Variants in HPCAL1 observed in about 807,000 individuals in gnomAD.
HPCAL1 encodes the protein hippocalcin-like protein 1.
HPCAL1 carries 8 observed loss-of-function variants against 17.1 expected under a neutral mutation model. That is an observed-to-expected ratio of 0.47 (90% CI 0.27 to 0.84). The LOEUF is 0.84. Ranked by LOEUF, HPCAL1 falls within the 40% of genes least tolerant of loss-of-function variation. The pLI is 0.13. For missense variants in HPCAL1, 165 were observed against 271.1 expected (o/e 0.61, Z 2.75); for synonymous variants, 112 against 111.4 (o/e 1.01, Z -0.03).
chr2:10,416,882 G>C (rs1670707334), intron 2 of HPCAL1, among the ~76,000 whole-genome samples: 1 of 152,090 alleles, frequency 6.6e-6, no homozygotes, highest in Admixed American at 6.5e-5. Context: ...GAGGCAGGGG[G>C]TGCAGGGGTC....
At chr2:10,426,494 G>A (rs1671415505) in intron 4 of HPCAL1, 1 of 529,814 alleles carries the variant, frequency 1.9e-6, no homozygotes, top group African/African-American at 1.9e-5. Context: ...TGAGCTTGCT[G>A]GGTAAGCCCT....
At position 10,359,751 on chromosome 2, in the gene HPCAL1, G is replaced by A. The variant is rs960644568; in HGVS notation, c.-110-37084G>A. Among the ~76,000 whole-genome samples, 1 of 152,202 alleles carries A rather than the reference G, an allele frequency of 6.6e-6. No individual in the cohort carries two copies. Among genetic ancestry groups the A allele is most frequent in the African/African-American group, 2.4e-5 (1 of 41,452 alleles). ...CCAGCACCTCTCCACTCTGAGGAAG[G>A]GGCCTTACCCAGATCCCCGTGTCCC... On this transcript the variant is annotated intron_variant, in intron 1 of 4. Coordinates refer to ENST00000307845, the MANE Select transcript of HPCAL1 (RefSeq NM_002149.4). This position sits in a 1 kb window ranked among gnomAD's most constrained non-coding sequence, Gnocchi z 4.1.
intron 2 of HPCAL1, among the ~76,000 whole-genome samples, chr2:10,418,233 A>T (rs970767126): frequency 4.0e-5 from 6 of 151,856 alleles, no homozygotes; most frequent in Non-Finnish European, 8.8e-5. Context: ...CCTGGCCAAC[A>T]TAGTGTGAAA....
intron 1 of HPCAL1, among the ~76,000 whole-genome samples, chr2:10,326,695 G>A (rs570296403): frequency 5.3e-5 from 8 of 152,302 alleles, no homozygotes; most frequent in African/African-American, 1.2e-4. Flanking sequence ...TCTGTCCAGC[G>A]CCCCTGGTCC....
chr2:10,352,141 G>A (rs575186195), intron 1 of HPCAL1, among the ~76,000 whole-genome samples: 5 of 152,194 alleles, frequency 3.3e-5, no homozygotes, highest in African/African-American at 1.2e-4. Flanking sequence ...GACCTCAAGT[G>A]ATCCATCTGC....
intron 1 of HPCAL1, among the ~76,000 whole-genome samples, chr2:10,329,415 A>C (rs558975730): frequency 6.6e-5 from 10 of 152,324 alleles, no homozygotes; most frequent in African/African-American, 2.4e-4. Flanking sequence ...AGTGAGCCCG[A>C]GGGAGGTGTG....
intron 2 of HPCAL1, among the ~76,000 whole-genome samples, chr2:10,399,642 C>T (rs1035300000): frequency 4.0e-5 from 6 of 150,166 alleles, no homozygotes; most frequent in African/African-American, 7.3e-5. Flanking sequence ...AGGCACTTTC[C>T]AGCACATTCA....
In HPCAL1 at chr2:10,398,184, G is replaced by C. The variant is rs1017124470; in HGVS notation, c.-25+1264G>C. ...GTCATAGGCTCCCGGGGGGACACCT[G>C]GGGGAGGGACATTTGGGGACAGAGC... On this transcript the variant is annotated intron_variant, in intron 2 of 4. Coordinates refer to ENST00000307845, the MANE Select transcript of HPCAL1 (RefSeq NM_002149.4). 5.3e-5 allele frequency among the ~76,000 whole-genome samples: 8 copies of C among 152,204 alleles called. No individual in the cohort carries two copies. In the East Asian group the frequency reaches 5.8e-4, roughly 11 times the overall value.
Position 10,394,135 on chromosome 2 carries a change from A to C in HPCAL1, c.-110-2700A>C, listed in dbSNP as rs34712073. 4.5e-4 allele frequency among the ~76,000 whole-genome samples: 51 copies of C among 113,908 alleles called. No individual in the cohort carries two copies. The highest frequency in any genetic ancestry group is 1.3e-3 in the Admixed American group (13 of 10,320). 74.7% of individuals were successfully genotyped at this position (113,908 alleles called of 152,430 possible). A position where few individuals can be genotyped will look rare whatever the true frequency, so the allele number is the denominator to read the frequency against. On this transcript the variant is annotated intron_variant, in intron 1 of 4. Coordinates refer to ENST00000307845, the MANE Select transcript of HPCAL1 (RefSeq NM_002149.4). The surrounding 1 kb of genome is among the most constrained non-coding windows in gnomAD (Gnocchi z 5.0). ...GTCTCCTGAAAAACAAACAAACAAA[A>C]AAAAAACCTTGTAACTAACCAGAGC...
intron 1 of HPCAL1, among the ~76,000 whole-genome samples, chr2:10,381,733 C>T (rs770008562): frequency 3.9e-5 from 6 of 152,138 alleles, no homozygotes; most frequent in Admixed American, 6.5e-5. Flanking sequence ...AAGCAAACAC[C>T]GATGAGAATG....
intron 1 of HPCAL1, among the ~76,000 whole-genome samples, chr2:10,311,836 C>T (rs1312397934): frequency 1.3e-5 from 2 of 151,908 alleles, no homozygotes; most frequent in Non-Finnish European, 2.9e-5. Context: ...TTCTCCATCA[C>T]CATCATCATC....
Position 10,365,933 on chromosome 2 carries a change from C to T in HPCAL1, c.-110-30902C>T, listed in dbSNP as rs1318201929. On this transcript the variant is annotated intron_variant, in intron 1 of 4. Coordinates refer to ENST00000307845, the MANE Select transcript of HPCAL1 (RefSeq NM_002149.4). This position sits in a 1 kb window ranked among gnomAD's most constrained non-coding sequence, Gnocchi z 4.8. ...GAGATCAGCTATACGTGATATAGAC[C>T]AGGGATGCACGCCTCATGAGGAGAC... is the stretch of plus-strand genomic sequence containing the variant. Among the ~76,000 whole-genome samples the T allele has an allele frequency of 6.6e-6, 1 of 152,204 alleles. No homozygotes were observed. Among genetic ancestry groups the T allele is most frequent in the African/African-American group, 2.4e-5 (1 of 41,438 alleles).
At chr2:10,348,837 G>GA (rs1665641998) in intron 1 of HPCAL1, among the ~76,000 whole-genome samples, 1 of 152,138 alleles carries the variant, frequency 6.6e-6, no homozygotes, top group Admixed American at 6.5e-5. Context: ...GATTTGTCTG[G>GA]TATGATGTTC....
At chr2:10,379,749 A>C (rs1667823638) in intron 1 of HPCAL1, among the ~76,000 whole-genome samples, 2 of 152,222 alleles carry the variant, frequency 1.3e-5, no homozygotes, top group African/African-American at 4.8e-5. Context: ...AAAATAAGAT[A>C]AAATTTCACA....
intron 2 of HPCAL1, among the ~76,000 whole-genome samples, chr2:10,412,976 T>A (rs1360137915): frequency 6.6e-6 from 1 of 152,012 alleles, no homozygotes; most frequent in Non-Finnish European, 1.5e-5. Flanking sequence ...TATTGTACTA[T>A]TTTTGGGTCC....
At chr2:10,378,217 T>C (rs1423077053) in intron 1 of HPCAL1, among the ~76,000 whole-genome samples, 1 of 140,332 alleles carries the variant, frequency 7.1e-6, no homozygotes, top group Non-Finnish European at 1.5e-5. Flanking sequence ...AGAAAGGTGG[T>C]TTCATGTTTT....
intron 1 of HPCAL1, among the ~76,000 whole-genome samples, chr2:10,350,162 G>A (rs1292801454): frequency 6.6e-6 from 1 of 152,070 alleles, no homozygotes; most frequent in Non-Finnish European, 1.5e-5. Flanking sequence ...GGAAACAAAC[G>A]TAACTGAGTC....
At chr2:10,415,006 C>T (rs1208211388) in intron 2 of HPCAL1, among the ~76,000 whole-genome samples, 2 of 152,218 alleles carry the variant, frequency 1.3e-5, no homozygotes, top group African/African-American at 4.8e-5. Flanking sequence ...GCCTTGAGAG[C>T]AGCTGAGCTG....
rs1558443153 is a variant in HPCAL1 at position 10,304,096 on chromosome 2, A to AGCTGCCAGCTGC, written c.-111+926_-111+937dup. 6.6e-6 allele frequency among the ~76,000 whole-genome samples: 1 copy of AGCTGCCAGCTGC among 152,160 alleles called. No homozygotes were observed. The highest frequency in any genetic ancestry group is 1.5e-5 in the Non-Finnish European group (1 of 68,008). On this transcript the variant is annotated intron_variant, in intron 1 of 4. Transcript: ENST00000307845. This position sits in a 1 kb window ranked among gnomAD's most constrained non-coding sequence, Gnocchi z 4.1. ...GAAGCACTGAGATTCGAGAAAGTTT[A>AGCTGCCAGCTGC]GCTGCCAGCTGCGCTGCCTCCTGCA...
Sources: gnomAD v4.1 joint callset for allele counts (sites outside exome capture counted in the v4.1 genomes callset) on GRCh38, gnomAD v4.1.1 for gene constraint, Gnocchi (gnomAD v3.1) non-coding constraint, MANE v1.5 for transcripts, NCBI Gene and HGNC (gene_info 2026-07-23, HGNC 2026-07-21) for gene names.